The following NSL1 variants were observed in gnomAD, a reference collection of about 807,000 sequenced individuals.
NSL1 encodes the protein kinetochore-associated protein NSL1 homolog.
NSL1 carries 11 observed loss-of-function variants against 25.4 expected under a neutral mutation model. The observed-to-expected ratio is 0.43, with a 90% confidence interval of 0.27 to 0.72. NSL1 has a LOEUF of 0.72. Ranked by LOEUF, NSL1 falls within the 30% of genes least tolerant of loss-of-function variation. The pLI, the probability that NSL1 is intolerant of heterozygous loss-of-function variation, is 0.19. For synonymous variants in NSL1, 118 were observed against 120.6 expected (o/e 0.98, Z 0.14); for missense variants, 330 against 342.7 (o/e 0.96, Z 0.29).
At position 212,739,492 on chromosome 1, in the gene NSL1, C is replaced by T. The variant is rs544612842; in HGVS notation, c.567+42G>A. ...TGTTGAATGCAAATACCTAGCCATA[C>T]ATTTTGTTCATTTGATAATTTTTTT... is the stretch of plus-strand genomic sequence containing the variant. On this transcript the variant is annotated intron_variant, in intron 5 of 5. Coordinates refer to ENST00000366977, the MANE Select transcript of NSL1 (RefSeq NM_015471.4). The T allele has an allele frequency of 2.5e-5, 39 of 1,582,204 alleles. No homozygotes were observed. The East Asian group carries it at 7.2e-4, about 29-fold the overall frequency.
chr1:212,726,978 T>A lies in NSL1; in HGVS notation c.*11430A>T. The A allele has an allele frequency of 1.3e-6, 1 of 741,556 alleles. No homozygotes were observed. Among genetic ancestry groups the A allele is most frequent in the South Asian group, 2.0e-5 (1 of 50,250 alleles). 45.9% of individuals were successfully genotyped at this position (741,556 alleles called of 1,614,324 possible). A position where few individuals can be genotyped will look rare whatever the true frequency, so the allele number is the denominator to read the frequency against. The stretch of plus-strand genomic sequence containing the variant: ...GTGAAGAGCACAGGGAGAGTGTGCT[T>A]CCTGGCTGTGTCCTCTCAGAGGCCC... On this transcript the variant is annotated 3_prime_UTR_variant, in exon 6 of 6. Coordinates refer to ENST00000366977, the MANE Select transcript of NSL1 (RefSeq NM_015471.4).
At chr1:212,754,762 T>A in intron 4 of NSL1, among the ~76,000 whole-genome samples, 1 of 21,286 alleles carries the variant, frequency 4.7e-5, no homozygotes, top group Non-Finnish European at 1.3e-4. Context: ...AGAGTAAAAT[T>A]CTGTCTCAAA....
In NSL1 at chr1:212,791,595, C is replaced by G. The variant is rs770300498; in HGVS notation, c.169G>C (p.Val57Leu). The change falls in exon 1 of 6, where the codon GTG becomes CTG. Residue 57 changes from valine to leucine, a missense_variant. Coordinates refer to ENST00000366977, the MANE Select transcript of NSL1 (RefSeq NM_015471.4). Reference protein sequence around the residue: ...TEMLQLCGRFVQKLGDALPEE... With the variant: ...TEMLQLCGRFLQKLGDALPEE... ...GGCAGAGCGTCCCCGAGCTTTTGCA[C>G]GAAGCGGCCGCACAGTTGTAGCATT... 1.2e-6 allele frequency: 2 copies of G among 1,613,920 alleles called. No individual in the cohort carries two copies. The highest frequency in any genetic ancestry group is 1.7e-6 in the Non-Finnish European group (2 of 1,180,028).
rs1657858990 is a variant in NSL1, at chr1:212,728,035, A to AC, written c.*10372dup. The AC allele has an allele frequency of 5.1e-6, 5 of 985,322 alleles. No homozygotes were observed. In the African/African-American group the frequency reaches 7.0e-5, roughly 14 times the overall value. 61.0% of individuals were successfully genotyped at this position (985,322 alleles called of 1,614,324 possible). ...TGGTCAGAAGGCCTCGCTCTGCTCT[A>AC]CATGGTCTATAGACCGCTGGGAAGG... On this transcript the variant is annotated 3_prime_UTR_variant, in exon 6 of 6. Transcript: ENST00000366977.
chr1:212,785,959 T>C (rs1234817491), intron 2 of NSL1, among the ~76,000 whole-genome samples: 1 of 152,214 alleles, frequency 6.6e-6, no homozygotes, highest in African/African-American at 2.4e-5. Context: ...CTTTCATTCA[T>C]GTCACAAATA....
At chr1:212,785,517 T>C (rs533559017) in intron 2 of NSL1, among the ~76,000 whole-genome samples, 1 of 151,998 alleles carries the variant, frequency 6.6e-6, no homozygotes, top group Non-Finnish European at 1.5e-5. Flanking sequence ...CAGGCTCCAG[T>C]GTGTGATGTT....
In NSL1 at chr1:212,732,759, C is replaced by A. The variant is rs1414603203; in HGVS notation, c.*5649G>T. On this transcript the variant is annotated 3_prime_UTR_variant, in exon 6 of 6. Transcript: ENST00000366977. ...GAATAGAGCACAGCCCCTGGTAGAA[C>A]CCCCAAACGGGATGCCTTGGAGGTA... 10 of 540,986 alleles carry A rather than the reference C, an allele frequency of 1.8e-5. No homozygotes were observed. Among genetic ancestry groups the A allele is most frequent in the Non-Finnish European group, 2.4e-5 (10 of 423,994 alleles). 33.5% of individuals were successfully genotyped at this position (540,986 alleles called of 1,614,324 possible).
chr1:212,780,547 CATTTT>C (rs1660689208), intron 4 of NSL1, among the ~76,000 whole-genome samples: 2 of 138,544 alleles, frequency 1.4e-5, no homozygotes, highest in South Asian at 2.3e-4. Flanking sequence ...TTTTCAAAGA[CATTTT>C]ATATCACTTA....
In NSL1 at chr1:212,732,462, G is replaced by A. The variant is rs2102421158; in HGVS notation, c.*5946C>T. On this transcript the variant is annotated 3_prime_UTR_variant, in exon 6 of 6. Transcript: ENST00000366977. The stretch of plus-strand genomic sequence containing the variant: ...TGAGTAGCTGGGATTACAGGCATGC[G>A]CCACCACGCCCAGCTAATTTTGTAT... 3 of 361,888 alleles carry A rather than the reference G, an allele frequency of 8.3e-6. No individual in the cohort carries two copies. Among genetic ancestry groups the A allele is most frequent in the Non-Finnish European group, 1.2e-5 (3 of 260,344 alleles). The allele number at this position is 361,888 out of a possible 1,614,324, so 22.4% of individuals were successfully genotyped here.
At chr1:212,773,162 A>G (rs12136046) in intron 4 of NSL1, among the ~76,000 whole-genome samples, 61,027 of 152,096 alleles carry the variant, frequency 0.4, 13,880 homozygotes, top group Non-Finnish European at 0.51. Flanking sequence ...TCAAAAGCAC[A>G]GGGAACAAAA....
intron 4 of NSL1, among the ~76,000 whole-genome samples, 153 bp from the exon 5 acceptor site, chr1:212,739,754 C>T (rs777727973): frequency 1.6e-4 from 24 of 152,074 alleles, no homozygotes; most frequent in Non-Finnish European, 3.2e-4. Context: ...AGAGTGAGAC[C>T]ATTATAATAA....
intron 4 of NSL1, among the ~76,000 whole-genome samples, chr1:212,743,469 T>C (rs1658601279): frequency 1.5e-5 from 1 of 67,078 alleles, no homozygotes; most frequent in African/African-American, 3.3e-5. Context: ...GGCTTATTTG[T>C]TTTTTTTTTT....
Position 212,736,180 on chromosome 1 carries a change from G to A in NSL1, c.*2228C>T, listed in dbSNP as rs1475252892. ...AGCCTCCTGGGTGGCTGGGACTACA[G>A]GTGTGTGCCATCACACCCTGCTAAT... On this transcript the variant is annotated 3_prime_UTR_variant, in exon 6 of 6. Coordinates refer to ENST00000366977, the MANE Select transcript of NSL1 (RefSeq NM_015471.4). 5 of 604,328 alleles carry A rather than the reference G, an allele frequency of 8.3e-6. No individual in the cohort carries two copies. The highest frequency in any genetic ancestry group is 1.0e-5 in the Non-Finnish European group (5 of 481,640). 37.4% of individuals were successfully genotyped at this position (604,328 alleles called of 1,614,324 possible).
chr1:212,766,659 A>G (rs556447747), intron 4 of NSL1, among the ~76,000 whole-genome samples: 51 of 151,392 alleles, frequency 3.4e-4, no homozygotes, highest in African/African-American at 1.2e-3. Context: ...AAAAAAAAAA[A>G]GAAAAAAAAA....
chr1:212,739,826 T>C (rs2271148), intron 4 of NSL1, among the ~76,000 whole-genome samples: 15,339 of 152,216 alleles, frequency 0.1, 911 homozygotes, highest in African/African-American at 0.16. Context: ...CGAGTAGTCA[T>C]AACACTGTGT....
chr1:212,760,068 A>C lies in NSL1; in HGVS notation c.500-20467T>G, dbSNP rs971048461. ...CATCAAGACAACAGACCACCAAGAC[A>C]ACAGACCATCGCCAGTGCCCAATCA... On this transcript the variant is annotated intron_variant, in intron 4 of 5. Coordinates refer to ENST00000366977, the MANE Select transcript of NSL1 (RefSeq NM_015471.4). The surrounding 1 kb of genome is among the most constrained non-coding windows in gnomAD (Gnocchi z 4.3). Among the ~76,000 whole-genome samples, 2 of 151,986 alleles carry C rather than the reference A, an allele frequency of 1.3e-5. No homozygotes were observed. Among genetic ancestry groups the C allele is most frequent in the Non-Finnish European group, 2.9e-5 (2 of 67,988 alleles).
Position 212,727,483 on chromosome 1 carries a change from C to G in NSL1, c.*10925G>C. On this transcript the variant is annotated 3_prime_UTR_variant, in exon 6 of 6. Transcript: ENST00000366977. ...AATTTCAAGCAGCAGTCAACTAAAA[C>G]GATTCCTTTTGCAATTTAGGTTAAT... is the stretch of plus-strand genomic sequence containing the variant. The G allele has an allele frequency of 5.1e-6, 5 of 985,374 alleles. No individual in the cohort carries two copies. The highest frequency in any genetic ancestry group is 6.0e-6 in the Non-Finnish European group (5 of 829,914). 61.0% of individuals were successfully genotyped at this position (985,374 alleles called of 1,614,324 possible).
At chr1:212,780,929 G>A (rs979881828) in intron 4 of NSL1, among the ~76,000 whole-genome samples, 1 of 151,950 alleles carries the variant, frequency 6.6e-6, no homozygotes, top group Non-Finnish European at 1.5e-5. Context: ...TGGAATTCAC[G>A]CCTAAAGCAT....
chr1:212,778,874 G>A (rs918292553), intron 4 of NSL1, among the ~76,000 whole-genome samples: 6 of 151,736 alleles, frequency 4.0e-5, no homozygotes, highest in African/African-American at 1.5e-4. Flanking sequence ...TCTGGGATGT[G>A]AGGAGCCCCT....
Sources: gnomAD v4.1 joint callset for allele counts (sites outside exome capture counted in the v4.1 genomes callset) on GRCh38, gnomAD v4.1.1 for gene constraint, Gnocchi (gnomAD v3.1) non-coding constraint, MANE v1.5 for transcripts, NCBI Gene and HGNC (gene_info 2026-07-23, HGNC 2026-07-21) for gene names.